ABCA9: variants seen among roughly 807,000 people sequenced by gnomAD.
ABCA9 encodes the protein ATP binding cassette subfamily A member 9.
ABCA9 carries 183 observed loss-of-function variants against 205.3 expected under a neutral mutation model. That is an observed-to-expected ratio of 0.89 (90% CI 0.79 to 1.01). The LOEUF (loss-of-function observed/expected upper bound fraction) is 1.01, where lower values mean the gene tolerates loss of function less well. ABCA9 is among the 50% of genes least tolerant of loss of function. The probability of loss-of-function intolerance (pLI) is 0.00; values close to 1 mark genes in which losing one functional copy is unlikely to be tolerated. For missense variants in ABCA9, 1,805 were observed against 1,912.4 expected, an observed-to-expected ratio of 0.94 and a Z score of 1.05; for synonymous variants, 651 against 683.3, an observed-to-expected ratio of 0.95 and a Z score of 0.74.
At chr17:68,977,542 A>G (rs780918673) in intron 37 of ABCA9, among the ~76,000 whole-genome samples, 24 of 152,252 alleles carry the variant, frequency 1.6e-4, no homozygotes, top group Non-Finnish European at 3.4e-4. Context: ...TCTAAGCTAT[A>G]GGTCTTCAAA....
chr17:68,975,822 T>G lies in ABCA9; in HGVS notation c.*93A>C. 1.0e-6 allele frequency: 1 copy of G among 958,996 alleles called. No individual in the cohort carries two copies. Among genetic ancestry groups the G allele is most frequent in the East Asian group, 2.6e-5 (1 of 38,032 alleles). 59.4% of individuals were successfully genotyped at this position (958,996 alleles called of 1,614,324 possible). A position where few individuals can be genotyped will look rare whatever the true frequency, so the allele number is the denominator to read the frequency against. ...TATTGCATGAGTTTCAAATGCATTT[T>G]GTACCACCTCTGATATAAGGCATAT... On this transcript the variant is annotated 3_prime_UTR_variant, in exon 39 of 39. Transcript: ENST00000340001.
chr17:69,033,790 GAA>G lies in ABCA9; in HGVS notation c.1210_1211del (p.Phe404HisfsTer5). ...ACAGAAGGGTGTCAAAAACCAACAT[GAA>G]AAGAGTAGCTATTATGAGGTATGGA... ...QNPYLIIATLFMLVFDTLLYL... is the reference protein window; with the variant it reads ...QNPYLIIATLXMLVFDTLLYL... On this transcript the variant is annotated frameshift_variant, in exon 9 of 39. Coordinates refer to ENST00000340001, the MANE Select transcript of ABCA9 (RefSeq NM_080283.4). LOFTEE classifies it high-confidence loss of function. 1.2e-6 allele frequency: 2 copies of G among 1,611,234 alleles called. No individual in the cohort carries two copies. Among genetic ancestry groups the G allele is most frequent in the Non-Finnish European group, 1.7e-6 (2 of 1,177,804 alleles).
intron 12 of ABCA9, among the ~76,000 whole-genome samples, chr17:69,028,131 G>A (rs2071051372): frequency 6.6e-6 from 1 of 152,130 alleles, no homozygotes; most frequent in Non-Finnish European, 1.5e-5. Context: ...CTTATATAAT[G>A]AGTAATGAAA....
At chr17:69,055,509 G>C (rs2072041499) in intron 1 of ABCA9, among the ~76,000 whole-genome samples, 2 of 152,196 alleles carry the variant, frequency 1.3e-5, no homozygotes, top group African/African-American at 4.8e-5. Flanking sequence ...GCTAACAACA[G>C]TGTCAAAATA....
In ABCA9 at chr17:69,049,354, A is replaced by G. The variant is rs368110653; in HGVS notation, c.233T>C (p.Ile78Thr). ...AGTTTTGGATTCAGGTGCAAATGCAATAACATAATTAGTATCATTAAAACT... is the reference window on the plus strand; with the variant it reads ...AGTTTTGGATTCAGGTGCAAATGCAGTAACATAATTAGTATCATTAAAACT... Reference protein sequence around the residue: ...VDSFNDTNYVIAFAPESKTTQ... With the variant: ...VDSFNDTNYVTAFAPESKTTQ... Residue 78 changes from isoleucine (I) to threonine (T), a missense_variant, in exon 3 of 39, where the codon ATT (isoleucine) becomes ACT (threonine). Physicochemically the swap from Ile to Thr is moderately conservative, Grantham distance 89. Transcript: ENST00000340001. The G allele has an allele frequency of 1.5e-5, 24 of 1,613,308 alleles. No individual in the cohort carries two copies. The African/African-American group carries it at 2.8e-4, about 19-fold the overall frequency.
At chr17:69,060,430 A>T (rs1341576322) in intron 1 of ABCA9, among the ~76,000 whole-genome samples, 1 of 152,216 alleles carries the variant, frequency 6.6e-6, no homozygotes, top group Non-Finnish European at 1.5e-5. Context: ...AGTTTTCTTG[A>T]TGAAAATATT....
chr17:69,028,604 G>T lies in ABCA9; in HGVS notation c.1546C>A (p.Leu516Ile). The T allele has an allele frequency of 6.2e-7, 1 of 1,609,970 alleles. No individual in the cohort carries two copies. The highest frequency in any genetic ancestry group is 1.1e-5 in the South Asian group (1 of 90,538). ...GTTTTTCCAGCTCCACTGTGACCAAGGAGGGCAGTGATCTGGCCTTCATAT... is the reference window on the plus strand; with the variant it reads ...GTTTTTCCAGCTCCACTGTGACCAATGAGGGCAGTGATCTGGCCTTCATAT... ...DIYEGQITALLGHSGAGKTTL... is the reference protein window; with the variant it reads ...DIYEGQITALIGHSGAGKTTL... The change falls in exon 12 of 39, where the codon CTT (leucine) becomes ATT (isoleucine). Residue 516 changes from leucine to isoleucine, a missense_variant. Physicochemically the swap from Leu to Ile is conservative, Grantham distance 5. Transcript: ENST00000340001.
intron 15 of ABCA9, 97 bp downstream of exon 15, chr17:69,026,878 TG>T: frequency 1.4e-6 from 2 of 1,435,086 alleles, no homozygotes; most frequent in Non-Finnish European, 9.4e-7. Flanking sequence ...TCTTGGGCCA[TG>T]GCAGTTCCAG....
At chr17:69,053,925 T>TA (rs1567976311) in intron 1 of ABCA9, among the ~76,000 whole-genome samples, 1 of 152,078 alleles carries the variant, frequency 6.6e-6, no homozygotes. Context: ...AAAAAAATCT[T>TA]AAAGAAGCCA....
chr17:69,016,575 T>TAAGTATAC (rs1484608366), intron 21 of ABCA9, among the ~76,000 whole-genome samples, 185 bp from the exon 22 acceptor site: 161 of 152,190 alleles, frequency 1.1e-3, no homozygotes, highest in African/African-American at 3.7e-3. Flanking sequence ...AATCCGGTAT[T>TAAGTATAC]TTGGTTTCTA....
intron 26 of ABCA9, among the ~76,000 whole-genome samples, chr17:68,994,092 T>C (rs1303402309): frequency 2.6e-5 from 4 of 152,314 alleles, no homozygotes; most frequent in African/African-American, 9.6e-5. Context: ...GCCAGGCTGG[T>C]CTCGAACTCC....
In ABCA9 at chr17:69,053,908, GA is replaced by G. The variant is rs572284149; in HGVS notation, c.-13-2770del. Among the ~76,000 whole-genome samples the G allele has an allele frequency of 2.8e-4, 43 of 151,810 alleles. 1 individual carries two copies. The East Asian group carries it at 6.2e-3, about 22-fold the overall frequency. On this transcript the variant is annotated intron_variant, in intron 1 of 38. Coordinates refer to ENST00000340001, the MANE Select transcript of ABCA9 (RefSeq NM_080283.4). ...CATTTTCAAACTACAGAAAATCAAAGATAAAGAAAAAAATCTTAAAGAAGCC... is the reference window on the plus strand; with the variant it reads ...CATTTTCAAACTACAGAAAATCAAAGTAAAGAAAAAAATCTTAAAGAAGCC...
At chr17:69,046,195 G>T (rs2071698181) in intron 3 of ABCA9, among the ~76,000 whole-genome samples, 1 of 152,156 alleles carries the variant, frequency 6.6e-6, no homozygotes, top group Non-Finnish European at 1.5e-5. Context: ...TAAAACTGTT[G>T]CATTTAGATA....
intron 6 of ABCA9, among the ~76,000 whole-genome samples, chr17:69,036,133 T>C (rs964705656): frequency 1.3e-5 from 2 of 152,150 alleles, no homozygotes; most frequent in Non-Finnish European, 2.9e-5. Context: ...AGTAAGGTTA[T>C]TGTATAAATA....
intron 37 of ABCA9, among the ~76,000 whole-genome samples, chr17:68,982,346 G>T (rs995760847): frequency 2.6e-5 from 4 of 152,100 alleles, no homozygotes; most frequent in African/African-American, 9.7e-5. Flanking sequence ...GAAACCACTT[G>T]CATCCAACCT....
In ABCA9 at chr17:68,976,178, A is replaced by G. The variant is rs1476237202; in HGVS notation, c.4733T>C (p.Phe1578Ser). The G allele has an allele frequency of 6.2e-7, 1 of 1,613,964 alleles. No homozygotes were observed. Among genetic ancestry groups the G allele is most frequent in the African/African-American group, 1.3e-5 (1 of 74,940 alleles). The part of the protein sequence containing the change: ...FFKLEIVKQS[F>S]DLEEYSLSQS... ...TGAGAGGCTGTACTCCTCCAGGTCGAAACTCTGTTTAACTGCATAAGAATG... is the reference window on the plus strand; with the variant it reads ...TGAGAGGCTGTACTCCTCCAGGTCGGAACTCTGTTTAACTGCATAAGAATG... The change falls in exon 38 of 39, where the codon TTC (phenylalanine) becomes TCC (serine). Residue 1578 changes from phenylalanine to serine, a missense_variant. By Grantham distance (155) the Phe-to-Ser change is radical (BLOSUM62 -2). Coordinates refer to ENST00000340001, the MANE Select transcript of ABCA9 (RefSeq NM_080283.4).
chr17:69,054,050 AC>A (rs1293795867), intron 1 of ABCA9, among the ~76,000 whole-genome samples: 1 of 152,180 alleles, frequency 6.6e-6, no homozygotes, highest in Non-Finnish European at 1.5e-5. Flanking sequence ...CAGAGAATAA[AC>A]CCACCAACTT....
Position 69,017,681 on chromosome 17 carries a change from G to A in ABCA9, c.2876C>T (p.Ala959Val). 10 of 1,613,156 alleles carry A rather than the reference G, an allele frequency of 6.2e-6. No homozygotes were observed. The highest frequency in any genetic ancestry group is 8.5e-6 in the Non-Finnish European group (10 of 1,179,320). The change falls in exon 21 of 39, where the codon GCT becomes GTT. Residue 959 changes from alanine to valine, a missense_variant. Coordinates refer to ENST00000340001, the MANE Select transcript of ABCA9 (RefSeq NM_080283.4). ...NGTDDPSYNG[A>V]IIVSGDEKDH... ...CTTTTCATCACCTGACACAATGATA[G>A]CACCATTGTAAGATGGGTCATCTGT...
rs780636108 is a variant in ABCA9 at position 68,975,879 on chromosome 17, C to T, written c.*36G>A. ...TATAAAATATTATCTTTAAAAGAGT[C>T]ACAGGATTAAAGAAAGATATAGGGT... On this transcript the variant is annotated 3_prime_UTR_variant, in exon 39 of 39. Transcript: ENST00000340001. 1 of 1,470,952 alleles carries T rather than the reference C, an allele frequency of 6.8e-7. No homozygotes were observed. The highest frequency in any genetic ancestry group is 1.8e-5 in the Admixed American group (1 of 56,204). 91.1% of individuals were successfully genotyped at this position (1,470,952 alleles called of 1,614,324 possible). A position where few individuals can be genotyped will look rare whatever the true frequency, so the allele number is the denominator to read the frequency against.
Sources: allele counts gnomAD v4.1 joint callset (sites outside exome capture counted in the v4.1 genomes callset), GRCh38; gene constraint gnomAD v4.1.1; transcripts MANE v1.5; gene names NCBI Gene and HGNC (gene_info 2026-07-23, HGNC 2026-07-21).